CAMK4: variants seen among roughly 807,000 people sequenced by gnomAD.
CAMK4 encodes calcium/calmodulin-dependent protein kinase type IV.
A neutral mutation model predicts 44.9 loss-of-function variants in CAMK4; 22 were observed. That is an observed-to-expected ratio of 0.49 (90% CI 0.35 to 0.70). The LOEUF is 0.70. Among genes scored for constraint, CAMK4 ranks in the 30% least tolerant of loss-of-function variants. CAMK4 has a pLI of 0.01. For missense variants in CAMK4, 498 were observed against 586.8 expected (o/e 0.85, Z 1.56); for synonymous variants, 218 against 215.4 (o/e 1.01, Z -0.11).
In CAMK4 at chr5:111,485,706, C is replaced by G. The variant is rs891560850; in HGVS notation, c.*1240C>G. On this transcript the variant is annotated 3_prime_UTR_variant, in exon 11 of 11. Transcript: ENST00000282356. Reference sequence around the variant, plus strand: ...AATGCAATTTATTTACCTTAAAAAACAAACAAAAACAAAAATAAAGAAAAA... The same window carrying G: ...AATGCAATTTATTTACCTTAAAAAAGAAACAAAAACAAAAATAAAGAAAAA... The G allele has an allele frequency of 2.0e-5, 3 of 152,022 alleles. No individual in the cohort carries two copies. Among genetic ancestry groups the G allele is most frequent in the African/African-American group, 7.2e-5 (3 of 41,422 alleles). The allele number at this position is 152,022 out of a possible 1,614,324, so 9.4% of individuals were successfully genotyped here.
chr5:111,406,477 G>T (rs368032739), intron 5 of CAMK4, among the ~76,000 whole-genome samples: 20 of 152,104 alleles, frequency 1.3e-4, no homozygotes, highest in Admixed American at 7.9e-4. Flanking sequence ...ACCTGCCTCG[G>T]CCTCCCAAAG....
At chr5:111,266,255 G>GAA (rs1301840115) in intron 1 of CAMK4, 19 of 151,496 alleles carry the variant, frequency 1.3e-4, no homozygotes, top group Admixed American at 1.3e-3. Context: ...AAGAGAGAGA[G>GAA]AGAGACGTTT....
At chr5:111,355,702 T>A (rs2112784156) in intron 2 of CAMK4, among the ~76,000 whole-genome samples, 1 of 149,480 alleles carries the variant, frequency 6.7e-6, no homozygotes, top group East Asian at 2.0e-4. Flanking sequence ...CCTTCCTGTG[T>A]CCATGTGCTC....
At chr5:111,258,515 G>A (rs905660499) in intron 1 of CAMK4, among the ~76,000 whole-genome samples, 1 of 152,104 alleles carries the variant, frequency 6.6e-6, no homozygotes, top group Non-Finnish European at 1.5e-5. Context: ...AGAAAAATGA[G>A]GAAGAAGCAA....
intron 5 of CAMK4, among the ~76,000 whole-genome samples, chr5:111,431,749 C>G (rs1235266978): frequency 2.6e-5 from 4 of 151,982 alleles, no homozygotes; most frequent in African/African-American, 9.7e-5. Flanking sequence ...GGCAAACAGG[C>G]ATATGAAAAA....
chr5:111,365,949 A>G (rs533064897), intron 2 of CAMK4, among the ~76,000 whole-genome samples: 20 of 152,280 alleles, frequency 1.3e-4, no homozygotes, highest in African/African-American at 4.1e-4. Context: ...TAAAACTGTC[A>G]TTCTTGAATT....
intron 9 of CAMK4, 33 bp downstream of exon 9, chr5:111,478,540 G>T: frequency 7.9e-7 from 1 of 1,261,582 alleles, no homozygotes; most frequent in Admixed American, 2.5e-5. Context: ...GAAACAAAAT[G>T]AAATAAATTT....
At chr5:111,335,742 T>C (rs2112733199) in intron 1 of CAMK4, among the ~76,000 whole-genome samples, 1 of 151,440 alleles carries the variant, frequency 6.6e-6, no homozygotes, top group African/African-American at 2.4e-5. Context: ...GTGCCAGGTA[T>C]CAACATCAGG....
rs548537836 is a variant in CAMK4 at position 111,313,525 on chromosome 5, C to G, written c.162-30499C>G. 4.6e-5 allele frequency among the ~76,000 whole-genome samples: 7 copies of G among 152,134 alleles called. 1 individual carries two copies. The South Asian group carries it at 1.5e-3, about 32-fold the overall frequency. On this transcript the variant is annotated intron_variant, in intron 1 of 10. Coordinates refer to ENST00000282356, the MANE Select transcript of CAMK4 (RefSeq NM_001744.6). ...TGACTAAGAACATAAGTGATGAAGTCAGACTGGATCTGAATTCAACCTTCC... is the reference window on the plus strand; with the variant it reads ...TGACTAAGAACATAAGTGATGAAGTGAGACTGGATCTGAATTCAACCTTCC...
chr5:111,278,062 C>T (rs920437820), intron 1 of CAMK4, among the ~76,000 whole-genome samples: 10 of 152,176 alleles, frequency 6.6e-5, no homozygotes, highest in African/African-American at 2.4e-4. Context: ...TATTCTGTTA[C>T]TTTATGTTTC....
At chr5:111,231,000 G>C (rs548184297) in intron 1 of CAMK4, among the ~76,000 whole-genome samples, 40 of 152,172 alleles carry the variant, frequency 2.6e-4, no homozygotes, top group African/African-American at 9.4e-4. Flanking sequence ...AGCAGCTAGA[G>C]TCAAGGTTTT....
intron 5 of CAMK4, among the ~76,000 whole-genome samples, chr5:111,413,928 T>C (rs1209813448): frequency 2.0e-5 from 3 of 151,874 alleles, no homozygotes; most frequent in Non-Finnish European, 4.4e-5. Flanking sequence ...CATAAACTGA[T>C]AATAAATTAG....
intron 1 of CAMK4, among the ~76,000 whole-genome samples, chr5:111,343,600 A>G (rs978177841): frequency 6.6e-6 from 1 of 151,754 alleles, no homozygotes; most frequent in African/African-American, 2.4e-5. Flanking sequence ...AGTACAGACT[A>G]TATAGAGTGC....
chr5:111,374,343 T>G (rs535353931), intron 2 of CAMK4, among the ~76,000 whole-genome samples: 109 of 152,162 alleles, frequency 7.2e-4, no homozygotes, highest in African/African-American at 2.4e-3. Flanking sequence ...TTGAGCAAAA[T>G]TTTTGGAGAG....
intron 1 of CAMK4, among the ~76,000 whole-genome samples, chr5:111,335,270 T>C (rs1749352253): frequency 6.6e-6 from 1 of 151,462 alleles, no homozygotes; most frequent in Non-Finnish European, 1.5e-5. Context: ...GAGAATGCCC[T>C]TGATGCTAAA....
intron 5 of CAMK4, among the ~76,000 whole-genome samples, chr5:111,400,581 C>T (rs182724189): frequency 7.0e-6 from 1 of 143,064 alleles, no homozygotes; most frequent in Non-Finnish European, 1.5e-5. Context: ...CATGCTAATT[C>T]TTGCCCCACA....
chr5:111,339,374 T>C (rs1422941528), intron 1 of CAMK4, among the ~76,000 whole-genome samples: 1 of 151,348 alleles, frequency 6.6e-6, no homozygotes, highest in African/African-American at 2.4e-5. Flanking sequence ...ATTACATTTG[T>C]ATTTAATTCA....
rs145236388 is a variant in CAMK4 at position 111,458,435 on chromosome 5, G to T, written c.625+9232G>T. Among the ~76,000 whole-genome samples, 36 of 152,320 alleles carry T rather than the reference G, an allele frequency of 2.4e-4. No individual in the cohort carries two copies. In the East Asian group the frequency reaches 6.6e-3, roughly 28 times the overall value. ...AAGCGGTTTCTCTGGAACTTTAGTT[G>T]TGTAAAACAATCAGGTTTTTTGTCA... On this transcript the variant is annotated intron_variant, in intron 7 of 10. Coordinates refer to ENST00000282356, the MANE Select transcript of CAMK4 (RefSeq NM_001744.6).
intron 1 of CAMK4, among the ~76,000 whole-genome samples, chr5:111,297,726 C>T (rs1747550353): frequency 6.6e-6 from 1 of 152,082 alleles, no homozygotes; most frequent in Non-Finnish European, 1.5e-5. Context: ...TCATTTTTCC[C>T]GTTGTACCAA....
Sources: gnomAD v4.1 joint callset for allele counts (sites outside exome capture counted in the v4.1 genomes callset) on GRCh38, gnomAD v4.1.1 for gene constraint, MANE v1.5 for transcripts, NCBI Gene and HGNC (gene_info 2026-07-23, HGNC 2026-07-21) for gene names.